The following TNIP1 variants were observed in gnomAD, a reference collection of about 807,000 sequenced individuals.
TNIP1 encodes the protein TNFAIP3-interacting protein 1.
In TNIP1, 22 loss-of-function variants were observed where a neutral mutation model predicts 86.6. That is an observed-to-expected ratio of 0.25 (90% CI 0.18 to 0.36). The LOEUF (loss-of-function observed/expected upper bound fraction) is 0.36. Among genes scored for constraint, TNIP1 ranks in the 10% least tolerant of loss-of-function variants. TNIP1 has a pLI of 1.00. For missense variants in TNIP1, 709 were observed against 820.6 expected (o/e 0.86, Z 1.66); for synonymous variants, 294 against 313.0 (o/e 0.94, Z 0.64).
Position 151,030,741 on chromosome 5 carries a change from G to A in TNIP1, c.1883C>T (p.Pro628Leu). 2 of 1,610,198 alleles carry A rather than the reference G, an allele frequency of 1.2e-6. No homozygotes were observed. Among genetic ancestry groups the A allele is most frequent in the Non-Finnish European group, 1.7e-6 (2 of 1,178,754 alleles). The change falls in exon 18 of 18, where the codon CCA (proline) becomes CTA (leucine). Residue 628 changes from proline to leucine, a missense_variant. Coordinates refer to ENST00000521591, the MANE Select transcript of TNIP1 (RefSeq NM_006058.5). ...CTGAGGCCCCTCACGGTCATTTTTT[G>A]GAGACTCTAAATAAACAAAAATTTT... is the stretch of plus-strand genomic sequence containing the variant. The part of the protein sequence containing the change: ...PTARPTEPES[P>L]KNDREGPQ
intron 6 of TNIP1, among the ~76,000 whole-genome samples, chr5:151,056,303 G>C (rs1245110619): frequency 6.6e-6 from 1 of 152,180 alleles, no homozygotes; most frequent in Non-Finnish European, 1.5e-5. Flanking sequence ...CAAGAGTATG[G>C]GCTTTGGAAT....
intron 8 of TNIP1, among the ~76,000 whole-genome samples, chr5:151,049,388 C>T (rs1759604759): frequency 6.6e-6 from 1 of 152,174 alleles, no homozygotes; most frequent in African/African-American, 2.4e-5. Context: ...GCTCCAGAGA[C>T]ACAATCCCAG....
intron 12 of TNIP1, among the ~76,000 whole-genome samples, chr5:151,038,096 C>A (rs1757945322): frequency 6.6e-6 from 1 of 152,118 alleles, no homozygotes; most frequent in Admixed American, 6.5e-5. Context: ...GATTTAGAGC[C>A]CCAAGTCCCC....
chr5:151,079,953 T>C (rs1763817673), intron 1 of TNIP1: 1 of 151,848 alleles, frequency 6.6e-6, no homozygotes, highest in African/African-American at 2.4e-5. Context: ...AATGATGCAT[T>C]AGGAATCTAC....
intron 13 of TNIP1, 65 bp from the exon 14 acceptor site, chr5:151,035,772 C>T (rs1757622413): frequency 8.1e-6 from 13 of 1,597,284 alleles, no homozygotes; most frequent in Non-Finnish European, 1.1e-5. Context: ...CTCCTCAGGC[C>T]CAGACTCCCA....
chr5:151,052,409 G>T, intron 6 of TNIP1, 150 bp from the exon 7 acceptor site: 1 of 656,806 alleles, frequency 1.5e-6, no homozygotes, highest in South Asian at 1.9e-5. Flanking sequence ...TCTCTAAGGA[G>T]CTAAGCCACT....
At chr5:151,068,128 A>G (rs1241027476) in intron 1 of TNIP1, among the ~76,000 whole-genome samples, 1 of 152,206 alleles carries the variant, frequency 6.6e-6, no homozygotes, top group Non-Finnish European at 1.5e-5. Context: ...GGCAGAGGAG[A>G]CGCAGGAGAA....
chr5:151,074,253 A>C (rs1398336857), intron 1 of TNIP1, among the ~76,000 whole-genome samples: 1 of 152,104 alleles, frequency 6.6e-6, no homozygotes, highest in Non-Finnish European at 1.5e-5. Context: ...TATTTTTCTA[A>C]AAAATTTAAG....
intron 13 of TNIP1, 111 bp downstream of exon 13, chr5:151,036,679 A>G: frequency 1.3e-6 from 2 of 1,535,582 alleles, no homozygotes; most frequent in East Asian, 4.6e-5. Context: ...CAATGGCCAG[A>G]AAGTGGATTA....
chr5:151,049,202 A>C (rs1759574317), intron 8 of TNIP1, among the ~76,000 whole-genome samples: 1 of 152,140 alleles, frequency 6.6e-6, no homozygotes, highest in African/African-American at 2.4e-5. Context: ...AAGAGTTGGG[A>C]CTCAGCTCTG....
intron 6 of TNIP1, among the ~76,000 whole-genome samples, chr5:151,053,810 C>G (rs1760290697): frequency 6.6e-6 from 1 of 152,216 alleles, no homozygotes; most frequent in Non-Finnish European, 1.5e-5. Flanking sequence ...TACAGTCTAA[C>G]AGGTGCACAG....
chr5:151,050,523 T>A (rs890534588), intron 7 of TNIP1, among the ~76,000 whole-genome samples: 2 of 152,244 alleles, frequency 1.3e-5, no homozygotes, highest in Admixed American at 1.3e-4. Flanking sequence ...GCCTTTATAA[T>A]TTTAAGTAAA....
Position 151,039,207 on chromosome 5 carries a change from T to A in TNIP1, c.1153A>T (p.Thr385Ser). 6.2e-7 allele frequency: 1 copy of A among 1,613,324 alleles called. No homozygotes were observed. Among genetic ancestry groups the A allele is most frequent in the Non-Finnish European group, 8.5e-7 (1 of 1,179,852 alleles). ...EMEETDKEQL[T>S]AEAKELRQKV... ...TGGCGCAGCTCCTTGGCCTCTGCTGTCAGCTGCTCCTTGTCGGTCTGCAGG... is the reference window on the plus strand; with the variant it reads ...TGGCGCAGCTCCTTGGCCTCTGCTGACAGCTGCTCCTTGTCGGTCTGCAGG... The change falls in exon 12 of 18, where the codon ACA (threonine) becomes TCA (serine). Residue 385 changes from threonine to serine, a missense_variant. Transcript: ENST00000521591.
intron 6 of TNIP1, among the ~76,000 whole-genome samples, chr5:151,054,509 T>C (rs1317381000): frequency 3.3e-5 from 5 of 152,110 alleles, no homozygotes; most frequent in Non-Finnish European, 7.4e-5. Context: ...GGCAAAACCC[T>C]GTCTCTACTA....
intron 17 of TNIP1, among the ~76,000 whole-genome samples, chr5:151,031,737 C>T (rs988258639): frequency 4.6e-5 from 7 of 152,164 alleles, no homozygotes; most frequent in African/African-American, 9.7e-5. Context: ...GTCTTCCCTC[C>T]GATCCTCAAA....
At chr5:151,086,203 CAG>C (rs1159959221) in intron 1 of TNIP1, among the ~76,000 whole-genome samples, 6 of 152,212 alleles carry the variant, frequency 3.9e-5, no homozygotes, top group Non-Finnish European at 8.8e-5. Flanking sequence ...CCTGCTCTCT[CAG>C]AGCTCACAGA....
At chr5:151,078,184 C>T (rs1290275187) in intron 1 of TNIP1, among the ~76,000 whole-genome samples, 1 of 152,344 alleles carries the variant, frequency 6.6e-6, no homozygotes, top group Admixed American at 6.5e-5. Context: ...CAGCTCCTTA[C>T]GCACCTGTGC....
chr5:151,043,437 A>G (rs528097001), intron 9 of TNIP1, among the ~76,000 whole-genome samples: 1 of 152,382 alleles, frequency 6.6e-6, no homozygotes, highest in South Asian at 2.1e-4. Flanking sequence ...GATAGGTTAA[A>G]GAAACGATAG....
At chr5:151,073,805 T>G (rs749146862) in intron 1 of TNIP1, among the ~76,000 whole-genome samples, 9 of 151,300 alleles carry the variant, frequency 5.9e-5, no homozygotes, top group Non-Finnish European at 1.2e-4. Flanking sequence ...AAAGTTGAGG[T>G]GGGAGGATCA....
Sources: gnomAD v4.1 joint callset for allele counts (sites outside exome capture counted in the v4.1 genomes callset) on GRCh38, gnomAD v4.1.1 for gene constraint, MANE v1.5 for transcripts, NCBI Gene and HGNC (gene_info 2026-07-23, HGNC 2026-07-21) for gene names.